The following PLCB4 variants were observed in gnomAD, a reference collection of about 807,000 sequenced individuals.
PLCB4 encodes the protein phospholipase C beta 4, also known as 1-phosphatidylinositol 4,5-bisphosphate phosphodiesterase beta-4.
PLCB4 carries 77 observed loss-of-function variants against 178.8 expected under a neutral mutation model. The observed-to-expected ratio is 0.43, with a 90% CI of 0.36 to 0.52. PLCB4 has a LOEUF of 0.52. Ranked by LOEUF, PLCB4 falls within the 20% of genes least tolerant of loss-of-function variation. PLCB4 has a pLI of 0.00. For synonymous variants in PLCB4, 496 were observed against 490.8 expected (o/e 1.01, Z -0.14); for missense variants, 1,024 against 1,453.4 (o/e 0.70, Z 4.80).
At chr20:9,088,658 C>T (rs978011222) in intron 1 of PLCB4, among the ~76,000 whole-genome samples, 11 of 152,106 alleles carry the variant, frequency 7.2e-5, no homozygotes, top group Non-Finnish European at 1.6e-4. Flanking sequence ...GGTTGCTAAT[C>T]TGTAAAATTC....
chr20:9,176,897 G>A (rs990711659), intron 2 of PLCB4, among the ~76,000 whole-genome samples: 12 of 152,080 alleles, frequency 7.9e-5, no homozygotes, highest in African/African-American at 1.9e-4. Flanking sequence ...ACAATTTTGG[G>A]GCTGTGACTT....
At chr20:9,089,480 G>C (rs2090581546) in intron 1 of PLCB4, among the ~76,000 whole-genome samples, 1 of 152,052 alleles carries the variant, frequency 6.6e-6, no homozygotes, top group South Asian at 2.1e-4. Flanking sequence ...AGAAACACCA[G>C]ATTGCTTTTT....
At chr20:9,411,926 A>G (rs992129464) in intron 25 of PLCB4, among the ~76,000 whole-genome samples, 2 of 152,180 alleles carry the variant, frequency 1.3e-5, no homozygotes, top group African/African-American at 4.8e-5. Flanking sequence ...TTTATCACTG[A>G]ACACTGCCAG....
intron 3 of PLCB4, among the ~76,000 whole-genome samples, chr20:9,234,049 A>G (rs562966940): frequency 2.2e-4 from 34 of 152,248 alleles, no homozygotes; most frequent in African/African-American, 7.7e-4. Context: ...CGTAGAGAAA[A>G]TAAGCAAGTT....
intron 7 of PLCB4, among the ~76,000 whole-genome samples, chr20:9,348,675 A>T (rs1158384757): frequency 6.6e-6 from 1 of 152,104 alleles, no homozygotes; most frequent in Non-Finnish European, 1.5e-5. Flanking sequence ...CCCTACTTTC[A>T]TAAGGAATTA....
chr20:9,458,024 A>T (rs2122403202), intron 34 of PLCB4, among the ~76,000 whole-genome samples: 1 of 152,264 alleles, frequency 6.6e-6, no homozygotes, highest in South Asian at 2.1e-4. Flanking sequence ...CATTTGGAGA[A>T]CTAAGTGTTA....
At chr20:9,431,117 C>A (rs943528269) in intron 28 of PLCB4, among the ~76,000 whole-genome samples, 1 of 152,122 alleles carries the variant, frequency 6.6e-6, no homozygotes, top group Non-Finnish European at 1.5e-5. Context: ...CAGGGCCATG[C>A]CCTCTCTGAA....
At chr20:9,101,816 T>TA (rs1320733923) in intron 2 of PLCB4, among the ~76,000 whole-genome samples, 3 of 151,754 alleles carry the variant, frequency 2.0e-5, no homozygotes, top group Non-Finnish European at 2.9e-5. Flanking sequence ...TGCCTCATTG[T>TA]AAAAACAATT....
At chr20:9,301,734 A>C (rs1415828337) in intron 3 of PLCB4, among the ~76,000 whole-genome samples, 1 of 151,966 alleles carries the variant, frequency 6.6e-6, no homozygotes, top group Admixed American at 6.6e-5. Flanking sequence ...CATCTTTAGG[A>C]GGAGCTTTTG....
chr20:9,341,948 C>T (rs34758162), intron 7 of PLCB4, among the ~76,000 whole-genome samples: 10,142 of 152,090 alleles, frequency 0.067, 363 homozygotes, highest in Middle Eastern at 0.095. Context: ...ACTATTACAT[C>T]GAATTTCATT....
intron 28 of PLCB4, among the ~76,000 whole-genome samples, chr20:9,428,003 C>T (rs2148604062): frequency 6.6e-6 from 1 of 152,268 alleles, no homozygotes; most frequent in Non-Finnish European, 1.5e-5. Flanking sequence ...TTTCTTTGTA[C>T]ATTTCCCCTT....
intron 1 of PLCB4, among the ~76,000 whole-genome samples, chr20:9,086,420 G>T (rs2090424869): frequency 6.6e-6 from 1 of 151,994 alleles, no homozygotes; most frequent in Non-Finnish European, 1.5e-5. Context: ...TGGGGTCCTG[G>T]CTTTGCTACT....
rs138559857 is a variant in PLCB4, at chr20:9,148,272, A to G, written c.-79+51930A>G. On this transcript the variant is annotated intron_variant, in intron 2 of 39. Coordinates refer to ENST00000378473, the MANE Select transcript of PLCB4 (RefSeq NM_001377142.1). ...AGCCAATTGAGTTTTAATTACCTCA[A>G]AGAAGCTTTGTTGTGGGGTGGAAGG... 1.6e-3 allele frequency among the ~76,000 whole-genome samples: 237 copies of G among 152,240 alleles called. 1 individual carries two copies. The highest frequency in any genetic ancestry group is 5.6e-3 in the African/African-American group (231 of 41,558).
chr20:9,115,477 T>G (rs1030036670), intron 2 of PLCB4, among the ~76,000 whole-genome samples: 3 of 151,744 alleles, frequency 2.0e-5, no homozygotes, highest in African/African-American at 7.3e-5. Context: ...GTGCACAATG[T>G]GCAGGTTTGT....
In PLCB4 at chr20:9,423,883, A is replaced by G; in HGVS notation, c.2455A>G (p.Lys819Glu). 6.2e-7 allele frequency: 1 copy of G among 1,613,366 alleles called. No homozygotes were observed. Among genetic ancestry groups the G allele is most frequent in the South Asian group, 1.1e-5 (1 of 91,076 alleles). The stretch of plus-strand genomic sequence containing the variant: ...CATTTCCCTTCGAAATGAGGGAAAT[A>G]AACCATTATCACTACCAACAATTTT... ...RHISLRNEGN[K>E]PLSLPTIFCN... is the part of the protein sequence containing the mutation. The change falls in exon 28 of 40, where the codon AAA becomes GAA. Residue 819 changes from lysine to glutamate, a missense_variant. Transcript: ENST00000378473.
intron 1 of PLCB4, among the ~76,000 whole-genome samples, chr20:9,078,568 G>A (rs531704505): frequency 2.0e-5 from 3 of 151,218 alleles, no homozygotes; most frequent in Non-Finnish European, 4.4e-5. Context: ...CACCATGTTG[G>A]CCACACTAGT....
intron 12 of PLCB4, among the ~76,000 whole-genome samples, chr20:9,375,209 C>T (rs1053915287): frequency 1.3e-5 from 2 of 152,124 alleles, no homozygotes; most frequent in Admixed American, 6.6e-5. Context: ...CTGCCTGTTC[C>T]TTGCACTCCC....
intron 28 of PLCB4, among the ~76,000 whole-genome samples, chr20:9,432,056 A>G (rs1432935886): frequency 6.6e-6 from 1 of 152,196 alleles, no homozygotes; most frequent in Non-Finnish European, 1.5e-5. Context: ...CCAGTGGGGA[A>G]TAGTTTGATA....
At chr20:9,204,692 C>T (rs1377273305) in intron 2 of PLCB4, among the ~76,000 whole-genome samples, 1 of 151,918 alleles carries the variant, frequency 6.6e-6, no homozygotes, top group Admixed American at 6.6e-5. Flanking sequence ...GAACCAGTGA[C>T]GTAAGAAATG....
Sources: gnomAD v4.1 joint callset for allele counts (sites outside exome capture counted in the v4.1 genomes callset) on GRCh38, gnomAD v4.1.1 for gene constraint, MANE v1.5 for transcripts, NCBI Gene and HGNC (gene_info 2026-07-23, HGNC 2026-07-21) for gene names.